CCDC88C: variants seen among roughly 807,000 people sequenced by gnomAD.
CCDC88C encodes coiled-coil and HOOK domain protein 88C.
Under a neutral mutation model 198.8 loss-of-function variants are expected in CCDC88C, and 131 were observed. The ratio of observed to expected loss-of-function variants is 0.66; its 90% CI spans 0.57 to 0.76. The LOEUF (loss-of-function observed/expected upper bound fraction) is 0.76. Among genes scored for constraint, CCDC88C ranks in the 30% least tolerant of loss-of-function variants. The probability of loss-of-function intolerance (pLI) is 0.00; values close to 1 mark genes in which losing one functional copy is unlikely to be tolerated. For missense variants in CCDC88C, 2,553 were observed against 2,631.6 expected, an observed-to-expected ratio of 0.97 and a Z score of 0.65; for synonymous variants, 1,166 against 1,114.7, an observed-to-expected ratio of 1.05 and a Z score of -0.92.
intron 26 of CCDC88C, among the ~76,000 whole-genome samples, chr14:91,282,568 G>A (rs1227002813): frequency 6.6e-6 from 1 of 152,084 alleles, no homozygotes; most frequent in African/African-American, 2.4e-5. Context: ...GTGTCACCCG[G>A]CAAGATCTGA....
chr14:91,337,590 C>G (rs1219125166), intron 10 of CCDC88C, among the ~76,000 whole-genome samples: 2 of 152,242 alleles, frequency 1.3e-5, no homozygotes, highest in Non-Finnish European at 2.9e-5. Context: ...ATCCTCCCAC[C>G]TTGGTCTCCC....
At chr14:91,373,596 G>C (rs563781137) in intron 3 of CCDC88C, among the ~76,000 whole-genome samples, 1 of 152,164 alleles carries the variant, frequency 6.6e-6, no homozygotes, top group African/African-American at 2.4e-5. Flanking sequence ...CAAAAGATCA[G>C]ACTTCATCTA....
chr14:91,387,182 C>T (rs892457733), intron 3 of CCDC88C, among the ~76,000 whole-genome samples: 4 of 152,156 alleles, frequency 2.6e-5, no homozygotes, highest in Admixed American at 2.0e-4. Context: ...AAATCAACCA[C>T]GGGGCTCTAA....
chr14:91,410,895 A>G (rs921105664), intron 2 of CCDC88C, among the ~76,000 whole-genome samples: 1 of 152,222 alleles, frequency 6.6e-6, no homozygotes, highest in African/African-American at 2.4e-5. Context: ...CGAAAGCCTC[A>G]GTATACATCG....
intron 12 of CCDC88C, among the ~76,000 whole-genome samples, chr14:91,321,592 C>G (rs1005402843): frequency 7.2e-5 from 11 of 152,232 alleles, no homozygotes; most frequent in Non-Finnish European, 1.5e-4. Context: ...TGGGAACCAT[C>G]TGGCTATCAG....
chr14:91,313,235 T>G lies in CCDC88C; in HGVS notation c.2581A>C (p.Lys861Gln). 4.3e-6 allele frequency: 7 copies of G among 1,614,042 alleles called. No individual in the cohort carries two copies. The highest frequency in any genetic ancestry group is 5.9e-6 in the Non-Finnish European group (7 of 1,179,908). ...KDAVLDDSTA[K>Q]LSAVEKESRA... ...CTCTCCTTCTCAACGGCGGACAGTT[T>G]GGCAGTGCTATCGTCCAAGACTGCA... Residue 861 changes from lysine to glutamine, a missense_variant, in exon 15 of 30, where the codon AAA becomes CAA. Physicochemically the swap from Lys to Gln is moderately conservative, Grantham distance 53. Around this residue, in one of 2 missense-constraint regions of CCDC88C, gnomAD observed 1,260 missense variants for 1,412.0 expected, o/e 0.89. Transcript: ENST00000389857. The surrounding 1 kb of genome is among the most constrained non-coding windows in gnomAD (Gnocchi z 5.2).
rs199536020 is a variant in CCDC88C, at chr14:91,297,371, G to A, written c.3900C>T (p.Phe1300=). Residue 1300 remains phenylalanine (F), a synonymous_variant, in exon 22 of 30, where the codon TTC becomes TTT. Coordinates refer to ENST00000389857, the MANE Select transcript of CCDC88C (RefSeq NM_001080414.4). ...TCTGGTGCTGCTCCTTCAGCTCGTC[G>A]AAGCGGGCCTGCCAGCGGTTGAGCT... The part of the protein sequence containing the change: ...QLELNRWQAR[F]DELKEQHQTM... 552 of 1,613,592 alleles carry A rather than the reference G, an allele frequency of 3.4e-4. 3 individuals carry two copies. In the African/African-American group the frequency reaches 5.2e-3, roughly 15 times the overall value.
At position 91,295,459 on chromosome 14, in the gene CCDC88C, G is replaced by A. The variant is rs185115349; in HGVS notation, c.3967-1141C>T. Among the ~76,000 whole-genome samples, 133 of 152,350 alleles carry A rather than the reference G, an allele frequency of 8.7e-4. 1 individual carries two copies. The highest frequency in any genetic ancestry group is 3.0e-3 in the African/African-American group (125 of 41,586). On this transcript the variant is annotated intron_variant, in intron 22 of 29. Coordinates refer to ENST00000389857, the MANE Select transcript of CCDC88C (RefSeq NM_001080414.4). ...TCAGCGGTCTGCAGGGTGAAAGGCC[G>A]TCCCTGGAAACTCAGCTTTGGCCCA...
At chr14:91,408,289 A>G (rs1596171303) in intron 3 of CCDC88C, 1 of 228,086 alleles carries the variant, frequency 4.4e-6, no homozygotes, top group South Asian at 6.3e-5. Context: ...TCCTGTATAA[A>G]GAGCCACTGA....
At chr14:91,312,943 T>G (rs1891901918) in intron 15 of CCDC88C, 137 bp downstream of exon 15, 1 of 652,414 alleles carries the variant, frequency 1.5e-6, no homozygotes, top group Non-Finnish European at 2.6e-6. Flanking sequence ...TCTTAGACCT[T>G]TAGGTATTGC....
chr14:91,371,777 C>G lies in CCDC88C; in HGVS notation c.271-12066G>C, dbSNP rs1318050110. Among the ~76,000 whole-genome samples the G allele has an allele frequency of 6.6e-6, 1 of 152,212 alleles. No individual in the cohort carries two copies. The highest frequency in any genetic ancestry group is 1.5e-5 in the Non-Finnish European group (1 of 68,026). On this transcript the variant is annotated intron_variant, in intron 3 of 29. Transcript: ENST00000389857. The surrounding 1 kb of genome is among the most constrained non-coding windows in gnomAD (Gnocchi z 4.2). ...GCTCACCCACCCAGGCCCACAGGCACCTATGCCAGGGCAGGGCTGGGGCCA... is the reference window on the plus strand; with the variant it reads ...GCTCACCCACCCAGGCCCACAGGCAGCTATGCCAGGGCAGGGCTGGGGCCA...
chr14:91,342,651 A>G lies in CCDC88C; in HGVS notation c.400-188T>C, dbSNP rs929766528. Reference sequence around the variant, plus strand: ...TCTCTAGTGGTTGCCAGGACCACTTACATCAGAATCACCTGGGGAGCTTGT... The same window carrying G: ...TCTCTAGTGGTTGCCAGGACCACTTGCATCAGAATCACCTGGGGAGCTTGT... On this transcript the variant is annotated intron_variant, in intron 5 of 29. Transcript: ENST00000389857. 1.6e-4 allele frequency among the ~76,000 whole-genome samples: 24 copies of G among 152,232 alleles called. 1 individual carries two copies. The highest frequency in any genetic ancestry group is 4.6e-4 in the Admixed American group (7 of 15,288).
At position 91,319,488 on chromosome 14, in the gene CCDC88C, C is replaced by T. The variant is rs77333653; in HGVS notation, c.1527+1632G>A. ...ACCTGCTTGTTTTACCACAGCAAGACCCTAAGGTGTTCCGTCAGTGGCCTC... is the reference window on the plus strand; with the variant it reads ...ACCTGCTTGTTTTACCACAGCAAGATCCTAAGGTGTTCCGTCAGTGGCCTC... On this transcript the variant is annotated intron_variant, in intron 13 of 29. Transcript: ENST00000389857. 3.9e-3 allele frequency among the ~76,000 whole-genome samples: 589 copies of T among 152,352 alleles called. 7 individuals carry two copies. Among genetic ancestry groups the T allele is most frequent in the Non-Finnish European group, 7.5e-3 (509 of 68,034 alleles).
chr14:91,362,932 A>G (rs1186295867), intron 3 of CCDC88C, among the ~76,000 whole-genome samples: 1 of 127,228 alleles, frequency 7.9e-6, no homozygotes, highest in African/African-American at 3.8e-5. Flanking sequence ...CCATCTCAGG[A>G]AAAAAAAAAA....
intron 3 of CCDC88C, among the ~76,000 whole-genome samples, chr14:91,391,816 C>G (rs1216510961): frequency 6.6e-6 from 1 of 151,992 alleles, no homozygotes; most frequent in Non-Finnish European, 1.5e-5. Flanking sequence ...TCCTAAAAGA[C>G]CAGAAGTTAC....
rs1555421289 is a variant in CCDC88C at position 91,325,391 on chromosome 14, CTG to C, written c.1198-470_1198-469del. ...AAAAGCAATACAGAAGTCAAGTGCT[CTG>C]TTTGTGGGTGTTAAGTGGCACCCGC... On this transcript the variant is annotated intron_variant, in intron 11 of 29. Transcript: ENST00000389857. This position sits in a 1 kb window ranked among gnomAD's most constrained non-coding sequence, Gnocchi z 4.1. Among the ~76,000 whole-genome samples the C allele has an allele frequency of 2.6e-5, 4 of 152,180 alleles. No homozygotes were observed. Among genetic ancestry groups the C allele is most frequent in the African/African-American group, 9.6e-5 (4 of 41,480 alleles).
chr14:91,342,295 T>C, intron 6 of CCDC88C, 85 bp downstream of exon 6: 1 of 772,680 alleles, frequency 1.3e-6, no homozygotes, highest in Admixed American at 2.0e-5. Context: ...TCTTCAAACG[T>C]TTCCACTCAT....
rs553982115 is a variant in CCDC88C at position 91,347,017 on chromosome 14, G to A, written c.341-3360C>T. 2.1e-4 allele frequency among the ~76,000 whole-genome samples: 32 copies of A among 152,094 alleles called. No homozygotes were observed. In the South Asian group the frequency reaches 4.8e-3, roughly 23 times the overall value. On this transcript the variant is annotated intron_variant, in intron 4 of 29. Coordinates refer to ENST00000389857, the MANE Select transcript of CCDC88C (RefSeq NM_001080414.4). ...CCCACCTCCCCCTTTCCCTTTTGTC[G>A]GCCCACAGATCACTGGCAAGTGCTC...
intron 27 of CCDC88C, 37 bp from the exon 28 acceptor site, chr14:91,279,343 A>G: frequency 6.6e-7 from 1 of 1,524,328 alleles, no homozygotes; most frequent in South Asian, 1.2e-5. Flanking sequence ...TAAAAAGCCA[A>G]TGACCAGGTA....
Sources: gnomAD v4.1 joint callset for allele counts (sites outside exome capture counted in the v4.1 genomes callset) on GRCh38, gnomAD v4.1.1 for gene constraint, gnomAD v4.1.1 regional missense constraint, Gnocchi (gnomAD v3.1) non-coding constraint, MANE v1.5 for transcripts, NCBI Gene and HGNC (gene_info 2026-07-23, HGNC 2026-07-21) for gene names.